Variants in RAB3C observed in about 807,000 individuals in gnomAD.
The protein encoded by RAB3C is ras-related protein Rab-3C.
Under a neutral mutation model 26.4 loss-of-function variants are expected in RAB3C, and 17 were observed. The observed-to-expected ratio is 0.64, with a 90% CI of 0.44 to 0.97. RAB3C has a LOEUF of 0.97. RAB3C is among the 50% of genes least tolerant of loss of function. The probability of loss-of-function intolerance (pLI) is 0.00; values close to 1 mark genes in which losing one functional copy is unlikely to be tolerated. For missense variants in RAB3C, 242 were observed against 281.9 expected (o/e 0.86, Z 1.01); for synonymous variants, 91 against 95.9 (o/e 0.95, Z 0.30).
intron 2 of RAB3C, among the ~76,000 whole-genome samples, chr5:58,635,177 T>C (rs575353519): frequency 1.3e-5 from 2 of 152,348 alleles, no homozygotes; most frequent in South Asian, 4.1e-4. Flanking sequence ...AATACCCATC[T>C]AGATGTAAAA....
At chr5:58,779,073 C>T (rs1000319658) in intron 3 of RAB3C, among the ~76,000 whole-genome samples, 26 of 152,048 alleles carry the variant, frequency 1.7e-4, no homozygotes, top group African/African-American at 6.3e-4. Context: ...ATTCATGTTA[C>T]TCTTTTTAGA....
chr5:58,614,195 G>A (rs1038044670), intron 1 of RAB3C, among the ~76,000 whole-genome samples: 1 of 151,968 alleles, frequency 6.6e-6, no homozygotes, highest in African/African-American at 2.4e-5. Flanking sequence ...TCAAATTTCA[G>A]CTATGTTTCC....
intron 2 of RAB3C, among the ~76,000 whole-genome samples, chr5:58,629,654 G>A (rs916771256): frequency 6.6e-6 from 1 of 152,122 alleles, no homozygotes; most frequent in Non-Finnish European, 1.5e-5. Context: ...AAAAAGGGGA[G>A]CGTTTATGTA....
chr5:58,775,276 T>C (rs1467000543), intron 3 of RAB3C, among the ~76,000 whole-genome samples: 2 of 152,064 alleles, frequency 1.3e-5, no homozygotes, highest in African/African-American at 2.4e-5. Context: ...ACAAATGACC[T>C]AAGTACCAAA....
chr5:58,652,615 T>C (rs1747680412), intron 2 of RAB3C, among the ~76,000 whole-genome samples: 1 of 151,924 alleles, frequency 6.6e-6, no homozygotes, highest in Non-Finnish European at 1.5e-5. Flanking sequence ...ACATTGCAAC[T>C]TGCAGTTTCA....
chr5:58,638,171 G>A (rs292988), intron 2 of RAB3C, among the ~76,000 whole-genome samples: 69,385 of 151,868 alleles, frequency 0.46, 17,903 homozygotes, highest in Middle Eastern at 0.63. Context: ...GGCATGAGAT[G>A]CCTATTTCTT....
At chr5:58,671,928 C>T (rs924610621) in intron 2 of RAB3C, among the ~76,000 whole-genome samples, 1 of 151,936 alleles carries the variant, frequency 6.6e-6, no homozygotes, top group African/African-American at 2.4e-5. Flanking sequence ...TGACATGATA[C>T]ATAAGAAAAG....
chr5:58,839,680 C>T (rs1353547257), intron 4 of RAB3C, among the ~76,000 whole-genome samples: 1 of 152,040 alleles, frequency 6.6e-6, no homozygotes, highest in Non-Finnish European at 1.5e-5. Flanking sequence ...TGATTCCTTT[C>T]TCTTTTTTCC....
rs114908100 is a variant in RAB3C, at chr5:58,584,629, A to G, written c.24+1397A>G. ...TCATATTTAATTATAAGTAAACACT[A>G]ATTGTAGACTTTAAAAGTAGATCAT... On this transcript the variant is annotated intron_variant, in intron 1 of 4. Transcript: ENST00000282878. Among the ~76,000 whole-genome samples the G allele has an allele frequency of 4.6e-4, 70 of 152,294 alleles. 1 individual carries two copies. Among genetic ancestry groups the G allele is most frequent in the African/African-American group, 1.6e-3 (68 of 41,574 alleles).
intron 2 of RAB3C, among the ~76,000 whole-genome samples, chr5:58,629,117 TATA>T (rs1219238505): frequency 6.6e-6 from 1 of 152,098 alleles, no homozygotes; most frequent in Non-Finnish European, 1.5e-5. Flanking sequence ...TATTACTTGT[TATA>T]ATTAAATTCT....
chr5:58,766,119 C>CT (rs35659245), intron 3 of RAB3C, among the ~76,000 whole-genome samples: 25,992 of 138,384 alleles, frequency 0.19, 2,655 homozygotes, highest in South Asian at 0.24. Flanking sequence ...TCAGGTAATT[C>CT]TTTTTTTTTT....
At chr5:58,849,063 A>G (rs1744061129) in intron 4 of RAB3C, among the ~76,000 whole-genome samples, 1 of 152,232 alleles carries the variant, frequency 6.6e-6, no homozygotes. Context: ...ATATGATGAT[A>G]GGGTGTTGAG....
chr5:58,664,899 C>T (rs1478402492), intron 2 of RAB3C, among the ~76,000 whole-genome samples: 2 of 152,002 alleles, frequency 1.3e-5, no homozygotes, highest in Admixed American at 6.6e-5. Flanking sequence ...CCTAACCACA[C>T]TTGGCTTCTT....
chr5:58,787,152 C>T (rs184756806), intron 3 of RAB3C, among the ~76,000 whole-genome samples: 1 of 152,344 alleles, frequency 6.6e-6, no homozygotes, highest in Non-Finnish European at 1.5e-5. Flanking sequence ...TACACACCTG[C>T]CCCATGGGAA....
intron 3 of RAB3C, among the ~76,000 whole-genome samples, chr5:58,731,048 C>G (rs1029030544): frequency 6.6e-6 from 1 of 152,024 alleles, no homozygotes; most frequent in Admixed American, 6.6e-5. Flanking sequence ...AAAACCCACC[C>G]CATGATTCAG....
chr5:58,787,520 T>G (rs1742418773), intron 3 of RAB3C, among the ~76,000 whole-genome samples: 1 of 152,196 alleles, frequency 6.6e-6, no homozygotes, highest in Non-Finnish European at 1.5e-5. Context: ...AAAATAAGTT[T>G]TTAATTACTT....
At chr5:58,756,387 C>CATATATAT (rs71604764) in intron 3 of RAB3C, among the ~76,000 whole-genome samples, 2,384 of 131,944 alleles carry the variant, frequency 0.018, 48 homozygotes, top group South Asian at 0.043. Context: ...TACTATATAA[C>CATATATAT]ATATATATAT....
intron 2 of RAB3C, among the ~76,000 whole-genome samples, chr5:58,722,542 G>T (rs1194811852): frequency 3.3e-5 from 5 of 151,756 alleles, no homozygotes; most frequent in Non-Finnish European, 2.9e-5. Flanking sequence ...GCCAAATGTG[G>T]GAAAATTTTA....
chr5:58,801,089 G>A (rs913295228), intron 3 of RAB3C, among the ~76,000 whole-genome samples: 4 of 152,144 alleles, frequency 2.6e-5, no homozygotes, highest in Non-Finnish European at 5.9e-5. Context: ...CTCTTCATGA[G>A]GAATGTGGCT....
Sources: allele counts gnomAD v4.1 joint callset (sites outside exome capture counted in the v4.1 genomes callset), GRCh38; gene constraint gnomAD v4.1.1; transcripts MANE v1.5; gene names NCBI Gene and HGNC (gene_info 2026-07-23, HGNC 2026-07-21).